Variants in GLYATL1 observed in about 807,000 individuals in gnomAD.
GLYATL1 encodes glycine-N-acyltransferase like 1.
Under a neutral mutation model 20.0 loss-of-function variants are expected in GLYATL1, and 15 were observed. That is an observed-to-expected ratio of 0.75 (90% confidence interval 0.50 to 1.15). GLYATL1 has a LOEUF of 1.15. GLYATL1 is among the 50% of genes most tolerant of loss of function. The pLI, the probability that GLYATL1 is intolerant of heterozygous loss-of-function variation, is 0.00. For synonymous variants in GLYATL1, 151 were observed against 131.5 expected, an observed-to-expected ratio of 1.15 and a Z score of -1.01; for missense variants, 380 against 368.5, an observed-to-expected ratio of 1.03 and a Z score of -0.26.
intron 6 of GLYATL1, 114 bp downstream of exon 6, chr11:58,955,467 A>T: frequency 7.4e-7 from 1 of 1,353,558 alleles, no homozygotes; most frequent in South Asian, 1.4e-5. Flanking sequence ...GGATGAATAA[A>T]GGTTGTCAAA....
In GLYATL1 at chr11:58,943,589, G is replaced by C; in HGVS notation, c.-120G>C. ...GAAGTGGAGCTTCTAGTATCCCCAG[G>C]AGCGCGAAGTGAACACGGAAGGTAC... On this transcript the variant is annotated 5_prime_UTR_variant, in exon 2 of 7. Coordinates refer to ENST00000532726, the MANE Select transcript of GLYATL1 (RefSeq NM_001389712.2). 2.5e-6 allele frequency: 4 copies of C among 1,613,616 alleles called. No individual in the cohort carries two copies. Among genetic ancestry groups the C allele is most frequent in the Non-Finnish European group, 3.4e-6 (4 of 1,179,670 alleles).
chr11:58,955,284 T>C lies in GLYATL1; in HGVS notation c.422T>C (p.Leu141Pro). Residue 141 changes from leucine (L) to proline (P), a missense_variant, in exon 6 of 7, where the codon CTC (leucine) becomes CCC (proline). Leu to Pro is a moderately conservative substitution (Grantham distance 98, BLOSUM62 -3). Transcript: ENST00000532726. Reference protein sequence around the residue: ...LLLVTEDILKLNASSKSKLGS... With the variant: ...LLLVTEDILKPNASSKSKLGS... Reference sequence around the variant, plus strand: ...TTGGTTACGGAAGATATTCTGAAGCTCAATGCCTCCAGTAAAAGCAAGCTT... The same window carrying C: ...TTGGTTACGGAAGATATTCTGAAGCCCAATGCCTCCAGTAAAAGCAAGCTT... 1 of 1,614,174 alleles carries C rather than the reference T, an allele frequency of 6.2e-7. No homozygotes were observed. Among genetic ancestry groups the C allele is most frequent in the Non-Finnish European group, 8.5e-7 (1 of 1,180,006 alleles).
intron 4 of GLYATL1, among the ~76,000 whole-genome samples, chr11:58,953,566 T>C (rs902636241): frequency 1.3e-5 from 2 of 152,108 alleles, no homozygotes; most frequent in African/African-American, 4.8e-5. Flanking sequence ...TATTTATAGC[T>C]TTCATTTTTA....
intron 4 of GLYATL1, among the ~76,000 whole-genome samples, chr11:58,949,267 G>A (rs1856800945): frequency 1.3e-5 from 2 of 152,120 alleles, no homozygotes; most frequent in South Asian, 4.1e-4. Context: ...GCCACACCAG[G>A]TCAAGACTAG....
chr11:58,927,743 C>T (rs549416067), exon 1 of GLYATL1: 2 of 152,306 alleles, frequency 1.3e-5, no homozygotes, highest in South Asian at 4.1e-4. Context: ...GCTAAGAGAT[C>T]TTCTTTTAAT....
upstream of GLYATL1, among the ~76,000 whole-genome samples, chr11:58,924,600 G>T (rs1353298852): frequency 6.6e-6 from 1 of 152,152 alleles, no homozygotes; most frequent in Non-Finnish European, 1.5e-5. Flanking sequence ...ATGTCTTTTT[G>T]ATTTCAGATT....
chr11:58,915,437 A>G (rs1414284298), intron 1 of GLYATL1, among the ~76,000 whole-genome samples: 1 of 152,118 alleles, frequency 6.6e-6, no homozygotes, highest in Non-Finnish European at 1.5e-5. Flanking sequence ...GGATTCTAGA[A>G]TGACTGAGGG....
chr11:58,930,633 C>T (rs1367048115), intron 1 of GLYATL1, among the ~76,000 whole-genome samples: 4 of 152,002 alleles, frequency 2.6e-5, no homozygotes, highest in Non-Finnish European at 4.4e-5. Context: ...TTTATAATGC[C>T]TAGAAAAATA....
At chr11:58,949,970 C>T (rs1276426919) in intron 4 of GLYATL1, among the ~76,000 whole-genome samples, 1 of 151,882 alleles carries the variant, frequency 6.6e-6, no homozygotes, top group Non-Finnish European at 1.5e-5. Flanking sequence ...CTCCTCTCCT[C>T]CTTTCCTACC....
chr11:58,912,556 C>A (rs1855071535), downstream of GLYATL1, among the ~76,000 whole-genome samples: 1 of 152,134 alleles, frequency 6.6e-6, no homozygotes, highest in Non-Finnish European at 1.5e-5. Context: ...ATCGGAGACC[C>A]CCAGACTTAG....
intron 1 of GLYATL1, among the ~76,000 whole-genome samples, chr11:58,921,997 C>G (rs921497343): frequency 2.6e-5 from 4 of 152,212 alleles, no homozygotes; most frequent in African/African-American, 9.7e-5. Context: ...AGTAGCAGCT[C>G]TGAGATTTTC....
rs1234541125 is a variant in GLYATL1 at position 58,955,799 on chromosome 11, T to G, written c.681T>G (p.Cys227Trp). 6.2e-7 allele frequency: 1 copy of G among 1,614,014 alleles called. No homozygotes were observed. Among genetic ancestry groups the G allele is most frequent in the Non-Finnish European group, 8.5e-7 (1 of 1,180,038 alleles). Reference sequence around the variant, plus strand: ...CATGGGTAACCATGGACCCTTCTTGTGAAGTAGGAATGGCCTACAGCATGG... The same window carrying G: ...CATGGGTAACCATGGACCCTTCTTGGGAAGTAGGAATGGCCTACAGCATGG... ...PVSWVTMDPS[C>W]EVGMAYSMEK... The change falls in exon 7 of 7, where the codon TGT becomes TGG. Residue 227 changes from cysteine (C) to tryptophan (W), a missense_variant. Coordinates refer to ENST00000532726, the MANE Select transcript of GLYATL1 (RefSeq NM_001389712.2).
intron 1 of GLYATL1, 147 bp from the exon 2 acceptor site, chr11:58,943,396 T>C: frequency 1.3e-6 from 2 of 1,534,858 alleles, no homozygotes; most frequent in South Asian, 2.5e-5. Flanking sequence ...CTTTACCTTT[T>C]TTGTCTATAA....
chr11:58,943,105 C>T (rs999932108), intron 1 of GLYATL1: 19 of 591,124 alleles, frequency 3.2e-5, no homozygotes, highest in African/African-American at 5.7e-5. Context: ...AATTTTGCTA[C>T]AAACTGTTGA....
intron 3 of GLYATL1, 131 bp from the exon 4 acceptor site, chr11:58,947,727 C>T: frequency 1.5e-6 from 1 of 678,138 alleles, no homozygotes; most frequent in Non-Finnish European, 2.7e-6. Flanking sequence ...CAGGACCATA[C>T]TGCTCATCTC....
intron 2 of GLYATL1, among the ~76,000 whole-genome samples, chr11:58,945,165 T>C (rs1016659402): frequency 1.3e-5 from 2 of 151,742 alleles, no homozygotes; most frequent in African/African-American, 4.8e-5. Flanking sequence ...ATAAGCACCA[T>C]GAATGTATAC....
At chr11:58,919,944 A>G (rs1230432805) in intron 1 of GLYATL1, among the ~76,000 whole-genome samples, 2 of 152,114 alleles carry the variant, frequency 1.3e-5, no homozygotes, top group Non-Finnish European at 2.9e-5. Context: ...CTAGCTTCCC[A>G]TCAAAGGTTT....
intron 1 of GLYATL1, among the ~76,000 whole-genome samples, chr11:58,915,904 C>T (rs932542450): frequency 7.3e-6 from 1 of 137,254 alleles, no homozygotes; most frequent in African/African-American, 2.8e-5. Flanking sequence ...CCCTCTTTCT[C>T]ACTCTAGAGG....
At chr11:58,911,645 T>A (rs948892075), downstream of GLYATL1, among the ~76,000 whole-genome samples, 1 of 152,216 alleles carries the variant, frequency 6.6e-6, no homozygotes, top group African/African-American at 2.4e-5. Flanking sequence ...ATTTTGCCCA[T>A]TTTTATACTG....
Sources: allele counts gnomAD v4.1 joint callset (sites outside exome capture counted in the v4.1 genomes callset), GRCh38; gene constraint gnomAD v4.1.1; transcripts MANE v1.5; gene names NCBI Gene and HGNC (gene_info 2026-07-23, HGNC 2026-07-21).